The following SNX19 variants were observed in gnomAD, a reference collection of about 807,000 sequenced individuals.
SNX19 encodes the protein sorting nexin-19.
In SNX19, 60 loss-of-function variants were observed where a neutral mutation model predicts 85.2. That is an observed-to-expected ratio of 0.70 (90% CI 0.57 to 0.87). The LOEUF (loss-of-function observed/expected upper bound fraction) is 0.87. SNX19 is among the 40% of genes least tolerant of loss of function. SNX19 has a pLI of 0.00. For missense variants in SNX19, 1,201 were observed against 1,217.8 expected, an observed-to-expected ratio of 0.99 and a Z score of 0.21; for synonymous variants, 520 against 470.0, an observed-to-expected ratio of 1.11 and a Z score of -1.38.
chr11:130,907,934 G>T lies in SNX19; in HGVS notation c.2165+19C>A, dbSNP rs1277462839. ...TTGAGAACTGGGGAAAGGTCCCTGGGTAACTGAGGGCTTCTCACTTGCTAG... is the reference window on the plus strand; with the variant it reads ...TTGAGAACTGGGGAAAGGTCCCTGGTTAACTGAGGGCTTCTCACTTGCTAG... On this transcript the variant is annotated intron_variant, in intron 5 of 10. Transcript: ENST00000265909. 6.2e-7 allele frequency: 1 copy of T among 1,612,518 alleles called. No homozygotes were observed. Among genetic ancestry groups the T allele is most frequent in the Non-Finnish European group, 8.5e-7 (1 of 1,179,704 alleles).
chr11:130,889,309 T>C (rs764856259), intron 8 of SNX19, among the ~76,000 whole-genome samples: 2 of 152,098 alleles, frequency 1.3e-5, no homozygotes, highest in Admixed American at 1.3e-4. Context: ...CTGACTCTTT[T>C]TCTTCCTCAT....
At chr11:130,895,946 G>T (rs1239242970) in intron 8 of SNX19, among the ~76,000 whole-genome samples, 3 of 152,212 alleles carry the variant, frequency 2.0e-5, no homozygotes, top group Non-Finnish European at 4.4e-5. Flanking sequence ...GTCTATAGAA[G>T]TCAAGAGCTT....
In SNX19 at chr11:130,915,596, A is replaced by G. The variant is rs1344155408; in HGVS notation, c.344T>C (p.Leu115Ser). The G allele has an allele frequency of 3.7e-6, 6 of 1,614,214 alleles. No homozygotes were observed. Among genetic ancestry groups the G allele is most frequent in the Non-Finnish European group, 5.1e-6 (6 of 1,180,038 alleles). The change falls in exon 1 of 11, where the codon TTA (leucine) becomes TCA (serine). Residue 115 changes from leucine to serine, a missense_variant. Leu to Ser is a moderately radical substitution (Grantham distance 145). Transcript: ENST00000265909. ...TIQMIIRDFVLSWYRSVSQEP... is the reference protein window; with the variant it reads ...TIQMIIRDFVSSWYRSVSQEP... ...CTGGCTCACGGAACGGTACCAAGAT[A>G]ACACAAAATCTCGAATAATCATCTG... is the stretch of plus-strand genomic sequence containing the variant.
At position 130,872,730 on chromosome 11, in the gene SNX19, A is replaced by G. The variant is rs1943076548; in HGVS notation, c.*5692T>C. The stretch of plus-strand genomic sequence containing the variant: ...AAGCAGAGGGGCCAAGTTATGGCAG[A>G]GTGCGCCCAGTTAGGCCTTCGACTA... On this transcript the variant is annotated 3_prime_UTR_variant, in exon 11 of 11. Transcript: ENST00000265909. Among the ~76,000 whole-genome samples the G allele has an allele frequency of 6.6e-6, 1 of 152,192 alleles. No homozygotes were observed. The highest frequency in any genetic ancestry group is 6.5e-5 in the Admixed American group (1 of 15,284).
intron 9 of SNX19, 142 bp downstream of exon 9, chr11:130,880,480 G>C (rs1172891544): frequency 1.4e-6 from 1 of 702,528 alleles, no homozygotes. Context: ...CTATTAGCCT[G>C]GGAAATGATG....
In SNX19 at chr11:130,871,657, C is replaced by T. The variant is rs986224293; in HGVS notation, c.*6765G>A. Among the ~76,000 whole-genome samples, 6 of 152,148 alleles carry T rather than the reference C, an allele frequency of 3.9e-5. No homozygotes were observed. The highest frequency in any genetic ancestry group is 1.4e-4 in the African/African-American group (6 of 41,422). On this transcript the variant is annotated 3_prime_UTR_variant, in exon 11 of 11. Transcript: ENST00000265909. The stretch of plus-strand genomic sequence containing the variant: ...AGTATAAACAAGCCATTGCTTCTGT[C>T]GACATTTGAGTCCTTTTGTCTGCAA...
In SNX19 at chr11:130,916,215, G is replaced by A. The variant is rs557225796; in HGVS notation, c.-276C>T. The A allele has an allele frequency of 2.9e-5, 13 of 452,964 alleles. No individual in the cohort carries two copies. The highest frequency in any genetic ancestry group is 2.1e-4 in the African/African-American group (11 of 51,210). 28.1% of individuals were successfully genotyped at this position (452,964 alleles called of 1,614,324 possible). ...ACTCTGTGGCCTTCACACTGCCCCA[G>A]GCGGAAGGCCTCTTCGGGGCCTCGG... is the stretch of plus-strand genomic sequence containing the variant. On this transcript the variant is annotated 5_prime_UTR_variant, in exon 1 of 11. Transcript: ENST00000265909.
chr11:130,903,716 TACACACAC>T (rs35654790), intron 7 of SNX19, among the ~76,000 whole-genome samples: 55 of 143,382 alleles, frequency 3.8e-4, no homozygotes, highest in East Asian at 8.1e-4. Context: ...TATATACACA[TACACACAC>T]ACACACACAC....
rs1479705561 is a variant in SNX19 at position 130,869,912 on chromosome 11, A to T, written c.*8510T>A. ...CAAAGACTGATGAGCTGATATAGAA[A>T]AAAAAAAAGGAATAAAGAAAAAGCA... On this transcript the variant is annotated 3_prime_UTR_variant, in exon 11 of 11. Coordinates refer to ENST00000265909, the MANE Select transcript of SNX19 (RefSeq NM_014758.3). The T allele has an allele frequency of 6.6e-6, 1 of 151,060 alleles. No homozygotes were observed. Among genetic ancestry groups the T allele is most frequent in the Non-Finnish European group, 1.5e-5 (1 of 67,964 alleles). The allele number at this position is 151,060 out of a possible 1,614,324, so 9.4% of individuals were successfully genotyped here. A position where few individuals can be genotyped will look rare whatever the true frequency, so the allele number is the denominator to read the frequency against.
In SNX19 at chr11:130,874,303, T is replaced by G. The variant is rs1943138888; in HGVS notation, c.*4119A>C. Among the ~76,000 whole-genome samples the G allele has an allele frequency of 6.6e-6, 1 of 152,226 alleles. No homozygotes were observed. Among genetic ancestry groups the G allele is most frequent in the Non-Finnish European group, 1.5e-5 (1 of 68,040 alleles). On this transcript the variant is annotated 3_prime_UTR_variant, in exon 11 of 11. Transcript: ENST00000265909. ...TCCCAAAGTGTTGAGATTATAGGTGTGAGCCGCTGTGCCCGGCCTAGAAGA... is the reference window on the plus strand; with the variant it reads ...TCCCAAAGTGTTGAGATTATAGGTGGGAGCCGCTGTGCCCGGCCTAGAAGA...
intron 8 of SNX19, among the ~76,000 whole-genome samples, chr11:130,884,650 C>T (rs1231883479): frequency 1.3e-5 from 2 of 152,004 alleles, no homozygotes; most frequent in Non-Finnish European, 2.9e-5. Flanking sequence ...GGCAGATCAC[C>T]TGAGGTCAAG....
rs1259704370 is a variant in SNX19, at chr11:130,878,542, G to T, written c.2859C>A (p.Tyr953Ter). ...QQPLINRHLI[Y>*]CLGDIILEFL... ...ATTCCAGGATGATGTCCCCAAGGCAGTAAATCAAATGCCTGAAACGAATGG... is the reference window on the plus strand; with the variant it reads ...ATTCCAGGATGATGTCCCCAAGGCATTAAATCAAATGCCTGAAACGAATGG... Residue 953 changes from tyrosine (Y) to a stop codon, truncating the protein, a stop_gained, in exon 11 of 11, where the codon TAC (tyrosine) becomes TAA (stop). Coordinates refer to ENST00000265909, the MANE Select transcript of SNX19 (RefSeq NM_014758.3). LOFTEE classifies it high-confidence loss of function. The T allele has an allele frequency of 2.5e-6, 4 of 1,612,538 alleles. No individual in the cohort carries two copies. The highest frequency in any genetic ancestry group is 3.4e-6 in the Non-Finnish European group (4 of 1,179,192).
chr11:130,913,927 CT>C (rs1297611042), intron 1 of SNX19, among the ~76,000 whole-genome samples: 4 of 148,538 alleles, frequency 2.7e-5, no homozygotes, highest in Non-Finnish European at 6.0e-5. Flanking sequence ...CAGGGACCCC[CT>C]CCTTAGAAAT....
At position 130,907,956 on chromosome 11, in the gene SNX19, C is replaced by G. The variant is rs567953064; in HGVS notation, c.2162G>C (p.Ser721Thr). Residue 721 changes from serine to threonine, a missense_variant, in exon 5 of 11, where the codon AGC becomes ACC. By Grantham distance (58) the Ser-to-Thr change is moderately conservative (BLOSUM62 1). Coordinates refer to ENST00000265909, the MANE Select transcript of SNX19 (RefSeq NM_014758.3). ...TGGGTAACTGAGGGCTTCTCACTTG[C>G]TAGCCTTCTTGCCTTCTGTCTGGGG... ...SKPQTEGKKA[S>T]KSRLRFSSSK... 21 of 1,613,784 alleles carry G rather than the reference C, an allele frequency of 1.3e-5. No homozygotes were observed. The highest frequency in any genetic ancestry group is 4.5e-5 in the East Asian group (2 of 44,876).
chr11:130,883,428 G>A (rs777963042), intron 8 of SNX19, among the ~76,000 whole-genome samples: 3 of 152,104 alleles, frequency 2.0e-5, no homozygotes, highest in Middle Eastern at 3.2e-3. Context: ...AAAAAGTCAG[G>A]CCCAGGAATA....
At chr11:130,880,917 C>G in intron 8 of SNX19, 111 bp from the exon 9 acceptor site, 1 of 924,282 alleles carries the variant, frequency 1.1e-6, no homozygotes, top group Non-Finnish European at 1.6e-6. Context: ...AAATCCTAAC[C>G]CTCAAGGTGA....
At position 130,877,261 on chromosome 11, in the gene SNX19, A is replaced by G. The variant is rs1230039196; in HGVS notation, c.*1161T>C. On this transcript the variant is annotated 3_prime_UTR_variant, in exon 11 of 11. Transcript: ENST00000265909. Reference sequence around the variant, plus strand: ...CTGTCTGCAGCCTTTTCTACCAGCAATTCCTCCTGATTTATCCTTCTCCAG... The same window carrying G: ...CTGTCTGCAGCCTTTTCTACCAGCAGTTCCTCCTGATTTATCCTTCTCCAG... 3.3e-5 allele frequency: 5 copies of G among 152,332 alleles called. No individual in the cohort carries two copies. Among genetic ancestry groups the G allele is most frequent in the East Asian group, 1.9e-4 (1 of 5,186 alleles). 9.4% of individuals were successfully genotyped at this position (152,332 alleles called of 1,614,324 possible). A position where few individuals can be genotyped will look rare whatever the true frequency, so the allele number is the denominator to read the frequency against.
intron 8 of SNX19, among the ~76,000 whole-genome samples, chr11:130,889,986 A>G (rs527774469): frequency 2.6e-5 from 4 of 152,322 alleles, no homozygotes; most frequent in African/African-American, 9.6e-5. Context: ...CAAAATTATT[A>G]GAGATACAGT....
intron 8 of SNX19, among the ~76,000 whole-genome samples, chr11:130,884,442 C>T (rs1943902979): frequency 1.3e-5 from 2 of 152,154 alleles, no homozygotes; most frequent in South Asian, 4.1e-4. Flanking sequence ...TGTGTCTGAA[C>T]TCTAATACAT....
Sources: allele counts gnomAD v4.1 joint callset (sites outside exome capture counted in the v4.1 genomes callset), GRCh38; gene constraint gnomAD v4.1.1; transcripts MANE v1.5; gene names NCBI Gene and HGNC (gene_info 2026-07-23, HGNC 2026-07-21).